ANKRD22: variants seen among roughly 807,000 people sequenced by gnomAD.
The protein encoded by ANKRD22 is ankyrin repeat domain 22, also known as ankyrin repeat domain-containing protein 22.
A neutral mutation model predicts 25.7 loss-of-function variants in ANKRD22; 24 were observed. The ratio of observed to expected loss-of-function variants is 0.93; its 90% CI spans 0.68 to 1.31. The LOEUF (loss-of-function observed/expected upper bound fraction) is 1.31. ANKRD22 is among the 50% of genes most tolerant of loss of function. The pLI is 0.00. For missense variants in ANKRD22, 214 were observed against 227.1 expected (o/e 0.94, Z 0.37); for synonymous variants, 84 against 84.3 (o/e 1.00, Z 0.02).
Position 88,820,382 on chromosome 10 carries a change from G to T in ANKRD22, c.*2559C>A. 4 of 1,552,264 alleles carry T rather than the reference G, an allele frequency of 2.6e-6. No individual in the cohort carries two copies. Among genetic ancestry groups the T allele is most frequent in the Non-Finnish European group, 2.6e-6 (3 of 1,147,120 alleles). ...CTACCATAAGAATATTCCTGAATGG[G>T]CTCACGTGGATTTCATCTGGGGTTT... On this transcript the variant is annotated 3_prime_UTR_variant, in exon 6 of 6. Transcript: ENST00000371930.
chr10:88,821,839 G>T lies in ANKRD22; in HGVS notation c.*1102C>A, dbSNP rs1003027164. On this transcript the variant is annotated 3_prime_UTR_variant, in exon 6 of 6. Transcript: ENST00000371930. ...CAAAATTCAGTCATATTTTTAAAGT[G>T]AATTTATTTCTACTCTGTGTCATTC... is the stretch of plus-strand genomic sequence containing the variant. 6.6e-6 allele frequency among the ~76,000 whole-genome samples: 1 copy of T among 152,152 alleles called. No individual in the cohort carries two copies. The highest frequency in any genetic ancestry group is 1.5e-5 in the Non-Finnish European group (1 of 68,020).
rs573748266 is a variant in ANKRD22 at position 88,835,999 on chromosome 10, G to T, written c.22-3973C>A. On this transcript the variant is annotated intron_variant, in intron 1 of 5. Transcript: ENST00000371930. ...CCCTGGGTGTAGAAGAAACACACTTGGGAAATTATTATAATAACTCTATCC... is the reference window on the plus strand; with the variant it reads ...CCCTGGGTGTAGAAGAAACACACTTTGGAAATTATTATAATAACTCTATCC... 2.6e-5 allele frequency among the ~76,000 whole-genome samples: 4 copies of T among 152,222 alleles called. No individual in the cohort carries two copies. The South Asian group carries it at 8.3e-4, about 32-fold the overall frequency.
In ANKRD22 at chr10:88,851,652, C is replaced by T; in HGVS notation, c.-45G>A. ...ACTTCACCTCTACAGCTCCTTGAAT[C>T]TTCTGGAGGTATTTCTGATGAATAT... On this transcript the variant is annotated 5_prime_UTR_variant, in exon 1 of 6. Transcript: ENST00000371930. 1 of 1,605,868 alleles carries T rather than the reference C, an allele frequency of 6.2e-7. No individual in the cohort carries two copies. Among genetic ancestry groups the T allele is most frequent in the Non-Finnish European group, 8.5e-7 (1 of 1,173,018 alleles).
At chr10:88,824,558 T>C (rs114140925) in intron 4 of ANKRD22, among the ~76,000 whole-genome samples, 2,740 of 152,296 alleles carry the variant, frequency 0.018, 63 homozygotes, top group African/African-American at 0.062. Context: ...ACTCAGATAG[T>C]TTTTGAAAAA....
At chr10:88,850,094 C>T (rs1256377154) in intron 1 of ANKRD22, among the ~76,000 whole-genome samples, 3 of 150,566 alleles carry the variant, frequency 2.0e-5, no homozygotes, top group Non-Finnish European at 4.4e-5. Flanking sequence ...GAGTAGCTCA[C>T]AATCTTTATC....
In ANKRD22 at chr10:88,851,642, C is replaced by T; in HGVS notation, c.-35G>A. ...TCACAGGCTTACTTCACCTCTACAG[C>T]TCCTTGAATCTTCTGGAGGTATTTC... On this transcript the variant is annotated 5_prime_UTR_variant, in exon 1 of 6. Transcript: ENST00000371930. 1 of 1,611,244 alleles carries T rather than the reference C, an allele frequency of 6.2e-7. No individual in the cohort carries two copies.
chr10:88,838,275 C>A (rs2133077661), intron 1 of ANKRD22, among the ~76,000 whole-genome samples: 1 of 152,198 alleles, frequency 6.6e-6, no homozygotes. Context: ...GGGAAGAGTA[C>A]AGAAAGTGAA....
rs1380267183 is a variant in ANKRD22 at position 88,820,381 on chromosome 10, G to A, written c.*2560C>T. 1 of 1,552,226 alleles carries A rather than the reference G, an allele frequency of 6.4e-7. No homozygotes were observed. The highest frequency in any genetic ancestry group is 8.7e-7 in the Non-Finnish European group (1 of 1,147,128). On this transcript the variant is annotated 3_prime_UTR_variant, in exon 6 of 6. Transcript: ENST00000371930. ...TCTACCATAAGAATATTCCTGAATG[G>A]GCTCACGTGGATTTCATCTGGGGTT... is the stretch of plus-strand genomic sequence containing the variant.
At chr10:88,837,166 T>C (rs867810016) in intron 1 of ANKRD22, among the ~76,000 whole-genome samples, 3 of 152,314 alleles carry the variant, frequency 2.0e-5, no homozygotes, top group South Asian at 2.1e-4. Context: ...TGGGTTCCAA[T>C]CTCAACTCTG....
chr10:88,825,942 G>A, intron 4 of ANKRD22, 96 bp downstream of exon 4: 2 of 1,037,362 alleles, frequency 1.9e-6, no homozygotes, highest in Non-Finnish European at 2.8e-6. Context: ...ATGTAAAATT[G>A]TCTAGGAAAA....
Position 88,840,124 on chromosome 10 carries a change from T to G in ANKRD22, c.22-8098A>C, listed in dbSNP as rs1040847931. On this transcript the variant is annotated intron_variant, in intron 1 of 5. Coordinates refer to ENST00000371930, the MANE Select transcript of ANKRD22 (RefSeq NM_144590.3). ...ATAATGGAACATTAGGAAAAATTTTTTGTGTCCTTTTGCCTTCCCACATGT... is the reference window on the plus strand; with the variant it reads ...ATAATGGAACATTAGGAAAAATTTTGTGTGTCCTTTTGCCTTCCCACATGT... Among the ~76,000 whole-genome samples the G allele has an allele frequency of 3.9e-5, 6 of 152,200 alleles. No individual in the cohort carries two copies. The South Asian group carries it at 6.2e-4, about 16-fold the overall frequency.
At position 88,820,163 on chromosome 10, in the gene ANKRD22, T is replaced by A. The variant is rs899431204; in HGVS notation, c.*2778A>T. 7 of 1,288,558 alleles carry A rather than the reference T, an allele frequency of 5.4e-6. No individual in the cohort carries two copies. The highest frequency in any genetic ancestry group is 7.4e-6 in the Non-Finnish European group (7 of 944,342). The allele number at this position is 1,288,558 out of a possible 1,614,324, so 79.8% of individuals were successfully genotyped here. ...CAGATGGCATGTTTATTATGTCTAT[T>A]TGAAACATAAATTATGAGCCTGAAA... On this transcript the variant is annotated 3_prime_UTR_variant, in exon 6 of 6. Coordinates refer to ENST00000371930, the MANE Select transcript of ANKRD22 (RefSeq NM_144590.3).
chr10:88,827,401 C>A (rs542909130), intron 3 of ANKRD22, among the ~76,000 whole-genome samples: 1 of 152,298 alleles, frequency 6.6e-6, no homozygotes, highest in South Asian at 2.1e-4. Context: ...AAACATTGAA[C>A]CATCTTAGAA....
chr10:88,824,634 G>A (rs139740751), intron 4 of ANKRD22, among the ~76,000 whole-genome samples: 1,836 of 152,274 alleles, frequency 0.012, 18 homozygotes, highest in Non-Finnish European at 0.019. Flanking sequence ...GAGTTCAAGG[G>A]ATCCTCCCAT....
intron 2 of ANKRD22, among the ~76,000 whole-genome samples, chr10:88,830,875 C>A (rs1843897051): frequency 1.3e-5 from 2 of 152,258 alleles, no homozygotes; most frequent in Non-Finnish European, 2.9e-5. Flanking sequence ...CAGCAGTGAT[C>A]TACAGAGATC....
chr10:88,828,935 T>C (rs1255835369), intron 2 of ANKRD22, among the ~76,000 whole-genome samples: 5 of 152,194 alleles, frequency 3.3e-5, no homozygotes, highest in Non-Finnish European at 2.9e-5. Context: ...GACAGATTCT[T>C]ATACCCACTT....
At chr10:88,837,246 T>A (rs2133077034) in intron 1 of ANKRD22, among the ~76,000 whole-genome samples, 1 of 152,344 alleles carries the variant, frequency 6.6e-6, no homozygotes, top group Middle Eastern at 3.4e-3. Flanking sequence ...CTGCTTTTGA[T>A]AATCATGCCT....
intron 1 of ANKRD22, among the ~76,000 whole-genome samples, chr10:88,848,150 G>A (rs1191588459): frequency 2.2e-5 from 3 of 134,872 alleles, no homozygotes; most frequent in African/African-American, 8.5e-5. Flanking sequence ...ATATATGCGT[G>A]TATATATATA....
intron 5 of ANKRD22, 63 bp from the exon 6 acceptor site, chr10:88,823,081 G>A: frequency 1.3e-6 from 2 of 1,490,704 alleles, no homozygotes; most frequent in African/African-American, 2.8e-5. Context: ...ACGTAGCTTA[G>A]ACCAATTGAC....
Sources: allele counts gnomAD v4.1 joint callset (sites outside exome capture counted in the v4.1 genomes callset), GRCh38; gene constraint gnomAD v4.1.1; transcripts MANE v1.5; gene names NCBI Gene and HGNC (gene_info 2026-07-23, HGNC 2026-07-21).